CMIP: variants seen among roughly 807,000 people sequenced by gnomAD.
The protein encoded by CMIP is c-Maf inducing protein.
In CMIP, 13 loss-of-function variants were observed where a neutral mutation model predicts 97.3. The ratio of observed to expected loss-of-function variants is 0.13; its 90% CI spans 0.09 to 0.21. The LOEUF is 0.21. Among genes scored for constraint, CMIP ranks in the 10% least tolerant of loss-of-function variants. The pLI, the probability that CMIP is intolerant of heterozygous loss-of-function variation, is 1.00. For synonymous variants in CMIP, 538 were observed against 436.3 expected (o/e 1.23, Z -2.91); for missense variants, 847 against 1,024.9 (o/e 0.83, Z 2.37).
chr16:81,561,923 A>C (rs562686344), intron 1 of CMIP, among the ~76,000 whole-genome samples: 1 of 152,160 alleles, frequency 6.6e-6, no homozygotes, highest in Admixed American at 6.5e-5. Context: ...CCAGGCAAGT[A>C]TGGGAGTTGG....
chr16:81,557,256 C>G (rs2090781415), intron 1 of CMIP, among the ~76,000 whole-genome samples: 1 of 152,188 alleles, frequency 6.6e-6, no homozygotes, highest in Admixed American at 6.5e-5. Context: ...AGGCCAAGGC[C>G]ATGTCAATGC....
chr16:81,638,953 A>G (rs571291588), intron 3 of CMIP, among the ~76,000 whole-genome samples: 2 of 152,194 alleles, frequency 1.3e-5, no homozygotes, highest in South Asian at 4.2e-4. Context: ...TTTCCACTGC[A>G]CTCAGTTTTC....
At chr16:81,681,708 C>T (rs1444075274) in intron 10 of CMIP, among the ~76,000 whole-genome samples, 1 of 152,250 alleles carries the variant, frequency 6.6e-6, no homozygotes, top group African/African-American at 2.4e-5. Flanking sequence ...TATTGCACAC[C>T]TGGATTGCAG....
intron 1 of CMIP, among the ~76,000 whole-genome samples, chr16:81,560,203 TTTTG>T (rs1227570644): frequency 8.3e-6 from 1 of 120,030 alleles, no homozygotes; most frequent in East Asian, 2.1e-4. Flanking sequence ...TTTTGTTTTG[TTTTG>T]TTTTTGTTTT....
chr16:81,460,300 C>A (rs1906826024), intron 1 of CMIP, among the ~76,000 whole-genome samples: 1 of 152,168 alleles, frequency 6.6e-6, no homozygotes, highest in Non-Finnish European at 1.5e-5. Flanking sequence ...ATTCCCTCCT[C>A]CCTTTTCCTT....
At chr16:81,670,879 A>G (rs942759429) in intron 8 of CMIP, among the ~76,000 whole-genome samples, 10 of 152,034 alleles carry the variant, frequency 6.6e-5, no homozygotes, top group African/African-American at 2.4e-4. Context: ...CCCAGGCTGG[A>G]GTGCAGTGGC....
chr16:81,565,715 C>T (rs957318004), intron 1 of CMIP, among the ~76,000 whole-genome samples: 4 of 152,106 alleles, frequency 2.6e-5, no homozygotes, highest in Non-Finnish European at 4.4e-5. Flanking sequence ...ACAAAGACAG[C>T]GGCTGTCTGC....
chr16:81,689,451 G>A (rs1445153838), intron 10 of CMIP, among the ~76,000 whole-genome samples: 1 of 152,216 alleles, frequency 6.6e-6, no homozygotes, highest in East Asian at 1.9e-4. Flanking sequence ...CTGCATAAAT[G>A]TCTTCTTTTG....
At position 81,627,967 on chromosome 16, in the gene CMIP, C is replaced by T. The variant is rs1256865245; in HGVS notation, c.477+7041C>T. 6.6e-6 allele frequency among the ~76,000 whole-genome samples: 1 copy of T among 152,136 alleles called. No individual in the cohort carries two copies. Among genetic ancestry groups the T allele is most frequent in the Non-Finnish European group, 1.5e-5 (1 of 68,002 alleles). On this transcript the variant is annotated intron_variant, in intron 3 of 20. Transcript: ENST00000537098. The surrounding 1 kb of genome is among the most constrained non-coding windows in gnomAD (Gnocchi z 4.6). ...GAGGGCAGGGCCTGGGTCATGTCCC[C>T]ACTGGCTGCACCCTCAGGAGGGCGG...
intron 17 of CMIP, 61 bp downstream of exon 17, chr16:81,702,730 G>T: frequency 4.1e-6 from 6 of 1,463,518 alleles, no homozygotes; most frequent in East Asian, 2.3e-5. Context: ...CTCTCTGTTG[G>T]GGAACGGCAG....
At chr16:81,632,412 C>T (rs1038515730) in intron 3 of CMIP, among the ~76,000 whole-genome samples, 1 of 152,190 alleles carries the variant, frequency 6.6e-6, no homozygotes, top group Non-Finnish European at 1.5e-5. Context: ...ATCATCCACG[C>T]GGTTCCGTTC....
intron 1 of CMIP, among the ~76,000 whole-genome samples, chr16:81,546,133 G>A (rs745306750): frequency 4.6e-5 from 7 of 152,282 alleles, no homozygotes; most frequent in Middle Eastern, 6.8e-3. Flanking sequence ...ACGAGTTATC[G>A]TGTCTCCTGA....
At chr16:81,611,260 G>A (rs1261133269) in intron 2 of CMIP, 1 of 152,196 alleles carries the variant, frequency 6.6e-6, no homozygotes, top group Admixed American at 6.5e-5. Context: ...TGCTGACCTC[G>A]AGGCCTTTTC....
chr16:81,564,438 A>T (rs1301088081), intron 1 of CMIP, among the ~76,000 whole-genome samples: 1 of 152,224 alleles, frequency 6.6e-6, no homozygotes, highest in Non-Finnish European at 1.5e-5. Context: ...CCACAAAGCT[A>T]TTACAGAGGA....
intron 1 of CMIP, chr16:81,517,699 C>T (rs1318938298): frequency 6.6e-6 from 1 of 152,296 alleles, no homozygotes; most frequent in African/African-American, 2.4e-5. Context: ...GCCAGTGTGT[C>T]CTTGGAGTCT....
At chr16:81,688,715 T>G (rs1186003860) in intron 10 of CMIP, among the ~76,000 whole-genome samples, 1 of 152,206 alleles carries the variant, frequency 6.6e-6, no homozygotes, top group African/African-American at 2.4e-5. Flanking sequence ...ATGTGCAGGT[T>G]TGTTACATAT....
intron 2 of CMIP, among the ~76,000 whole-genome samples, chr16:81,611,716 T>C (rs2091834983): frequency 6.6e-6 from 1 of 152,168 alleles, no homozygotes; most frequent in Admixed American, 6.5e-5. Flanking sequence ...CTCTCCCCTC[T>C]TCTCTTCCTC....
At chr16:81,460,858 G>C (rs1290110584) in intron 1 of CMIP, among the ~76,000 whole-genome samples, 3 of 152,226 alleles carry the variant, frequency 2.0e-5, no homozygotes, top group Non-Finnish European at 4.4e-5. Flanking sequence ...GGTGATGATG[G>C]TAGTGGCCAT....
At chr16:81,582,820 AAC>A (rs1218647911) in intron 1 of CMIP, among the ~76,000 whole-genome samples, 1 of 152,220 alleles carries the variant, frequency 6.6e-6, no homozygotes, top group African/African-American at 2.4e-5. Context: ...CGGAATGCCC[AAC>A]AGCACAAAGT....
Sources: allele counts gnomAD v4.1 joint callset (sites outside exome capture counted in the v4.1 genomes callset), GRCh38; gene constraint gnomAD v4.1.1; non-coding constraint Gnocchi (gnomAD v3.1); transcripts MANE v1.5; gene names NCBI Gene and HGNC (gene_info 2026-07-23, HGNC 2026-07-21).